Variants in CAPZA2 observed in about 807,000 individuals in gnomAD.
The protein encoded by CAPZA2 is F-actin-capping protein subunit alpha-2.
A neutral mutation model predicts 44.0 loss-of-function variants in CAPZA2; 13 were observed. The observed-to-expected ratio is 0.30, with a 90% CI of 0.19 to 0.47. The LOEUF (loss-of-function observed/expected upper bound fraction) is 0.47. Ranked by LOEUF, CAPZA2 falls within the 20% of genes least tolerant of loss-of-function variation. The pLI, the probability that CAPZA2 is intolerant of heterozygous loss-of-function variation, is 1.00. For missense variants in CAPZA2, 244 were observed against 338.6 expected (o/e 0.72, Z 2.19); for synonymous variants, 94 against 108.2 (o/e 0.87, Z 0.81).
chr7:116,871,759 T>C (rs1043376002), intron 1 of CAPZA2, among the ~76,000 whole-genome samples: 20 of 152,236 alleles, frequency 1.3e-4, no homozygotes, highest in African/African-American at 4.1e-4. Flanking sequence ...ATCTTTGTTA[T>C]AACATTTACC....
intron 5 of CAPZA2, among the ~76,000 whole-genome samples, chr7:116,905,031 A>G (rs1169192707): frequency 6.7e-6 from 1 of 148,408 alleles, no homozygotes; most frequent in Non-Finnish European, 1.5e-5. Context: ...AGTCCCAGCT[A>G]CTCGGGAGGC....
At chr7:116,903,954 A>T (rs1797027774) in intron 4 of CAPZA2, among the ~76,000 whole-genome samples, 1 of 152,142 alleles carries the variant, frequency 6.6e-6, no homozygotes, top group Admixed American at 6.5e-5. Context: ...GCTGGAAGTT[A>T]TATTGGGAGA....
chr7:116,870,079 G>C (rs1796532785), intron 1 of CAPZA2, among the ~76,000 whole-genome samples: 1 of 152,162 alleles, frequency 6.6e-6, no homozygotes, highest in African/African-American at 2.4e-5. Context: ...ATTTCAGAAA[G>C]GTCAGGGCAG....
chr7:116,921,066 G>A lies in CAPZA2; in HGVS notation c.*3199G>A, dbSNP rs1190814155. On this transcript the variant is annotated 3_prime_UTR_variant, in exon 10 of 10. Transcript: ENST00000361183. ...AGTGGATTATAGGTGTGTTAAAGTA[G>A]GGGAACTAGAAAGAATGACCTGGAA... is the stretch of plus-strand genomic sequence containing the variant. 1 of 152,188 alleles carries A rather than the reference G, an allele frequency of 6.6e-6. No homozygotes were observed. The highest frequency in any genetic ancestry group is 1.5e-5 in the Non-Finnish European group (1 of 68,084). The allele number at this position is 152,188 out of a possible 1,614,324, so 9.4% of individuals were successfully genotyped here.
chr7:116,880,103 A>G (rs1171126292), intron 1 of CAPZA2: 1 of 470,332 alleles, frequency 2.1e-6, no homozygotes, highest in Non-Finnish European at 4.4e-6. Context: ...TTTTGAAAGC[A>G]GAGGGCCTGG....
intron 1 of CAPZA2, among the ~76,000 whole-genome samples, chr7:116,866,407 G>A (rs111370499): frequency 1.3e-5 from 2 of 151,968 alleles, no homozygotes; most frequent in Non-Finnish European, 2.9e-5. Flanking sequence ...TCCTGACCTC[G>A]TGATCCACCC....
intron 5 of CAPZA2, among the ~76,000 whole-genome samples, chr7:116,905,738 T>C (rs1791490336): frequency 6.6e-6 from 1 of 152,230 alleles, no homozygotes; most frequent in African/African-American, 2.4e-5. Context: ...AAATTAATTA[T>C]TATTTTTAAA....
chr7:116,890,321 A>C (rs953806658), intron 2 of CAPZA2, among the ~76,000 whole-genome samples: 1 of 151,462 alleles, frequency 6.6e-6, no homozygotes, highest in African/African-American at 2.4e-5. Flanking sequence ...AAGCTATGGA[A>C]TAGAAGTGGG....
chr7:116,915,445 ATCTT>A (rs1465151371), intron 8 of CAPZA2: 6 of 152,164 alleles, frequency 3.9e-5, no homozygotes, highest in African/African-American at 9.7e-5. Context: ...TTTTTACTCT[ATCTT>A]AGGAGGTTTT....
intron 1 of CAPZA2, among the ~76,000 whole-genome samples, chr7:116,870,141 G>C (rs958752541): frequency 1.3e-5 from 2 of 152,204 alleles, no homozygotes; most frequent in African/African-American, 2.4e-5. Flanking sequence ...CATAGATTAA[G>C]TTTTAAATTC....
At chr7:116,875,550 T>A (rs1796609632) in intron 1 of CAPZA2, 1 of 151,888 alleles carries the variant, frequency 6.6e-6, no homozygotes, top group African/African-American at 2.4e-5. Context: ...TTTTTTTTTT[T>A]TATTTTTTGT....
At chr7:116,915,449 T>TAGG (rs1174927215) in intron 8 of CAPZA2, 1 of 152,190 alleles carries the variant, frequency 6.6e-6, no homozygotes, top group Non-Finnish European at 1.5e-5. Context: ...TACTCTATCT[T>TAGG]AGGAGGTTTT....
chr7:116,863,843 C>CCT (rs1316186939), intron 1 of CAPZA2, among the ~76,000 whole-genome samples: 1 of 151,984 alleles, frequency 6.6e-6, no homozygotes, highest in Admixed American at 6.6e-5. Flanking sequence ...CATTTAGGAC[C>CCT]CTCTGCTCTA....
chr7:116,868,931 A>G (rs1796515377), intron 1 of CAPZA2, among the ~76,000 whole-genome samples: 1 of 152,238 alleles, frequency 6.6e-6, no homozygotes, highest in African/African-American at 2.4e-5. Flanking sequence ...TTTGTACATT[A>G]AAGTAAATTT....
Position 116,920,168 on chromosome 7 carries a change from C to T in CAPZA2, c.*2301C>T, listed in dbSNP as rs2115997231. On this transcript the variant is annotated 3_prime_UTR_variant, in exon 10 of 10. Transcript: ENST00000361183. The stretch of plus-strand genomic sequence containing the variant: ...GCTGAGACAGGAGAATCATTTGAAC[C>T]CGGGAGGTGGAGGTTGCAGTGAGCA... 1 of 151,916 alleles carries T rather than the reference C, an allele frequency of 6.6e-6. No individual in the cohort carries two copies. The highest frequency in any genetic ancestry group is 2.1e-4 in the South Asian group (1 of 4,804). The allele number at this position is 151,916 out of a possible 1,614,324, so 9.4% of individuals were successfully genotyped here.
chr7:116,890,509 TAA>T (rs1159101707), intron 2 of CAPZA2, among the ~76,000 whole-genome samples: 1,519 of 29,146 alleles, frequency 0.052, 65 homozygotes, highest in Middle Eastern at 0.11. Context: ...TGTCTCTACT[TAA>T]AAAAAAAAAA....
intron 1 of CAPZA2, chr7:116,886,073 G>A (rs970821816): frequency 3.9e-5 from 6 of 154,706 alleles, no homozygotes; most frequent in Middle Eastern, 5.1e-4. Context: ...TATGATTGAT[G>A]TCAGATACCA....
intron 1 of CAPZA2, among the ~76,000 whole-genome samples, chr7:116,868,505 G>C (rs1473715554): frequency 1.3e-5 from 2 of 152,224 alleles, no homozygotes; most frequent in Non-Finnish European, 2.9e-5. Context: ...GGCTGAGGCA[G>C]GTGGATCACC....
intron 5 of CAPZA2, among the ~76,000 whole-genome samples, 179 bp from the exon 6 acceptor site, chr7:116,906,084 A>C (rs1253590926): frequency 6.6e-6 from 1 of 152,176 alleles, no homozygotes; most frequent in Non-Finnish European, 1.5e-5. Context: ...TAATAATTTG[A>C]TTACGCATAA....
Sources: gnomAD v4.1 joint callset for allele counts (sites outside exome capture counted in the v4.1 genomes callset) on GRCh38, gnomAD v4.1.1 for gene constraint, MANE v1.5 for transcripts, NCBI Gene and HGNC (gene_info 2026-07-23, HGNC 2026-07-21) for gene names.